MTA3: variants seen among roughly 807,000 people sequenced by gnomAD.
The protein encoded by MTA3 is metastasis-associated protein MTA3.
In MTA3, 34 loss-of-function variants were observed where a neutral mutation model predicts 83.5. That is an observed-to-expected ratio of 0.41 (90% CI 0.31 to 0.54). The LOEUF (loss-of-function observed/expected upper bound fraction) is 0.54, where lower values mean the gene tolerates loss of function less well. Ranked by LOEUF, MTA3 falls within the 20% of genes least tolerant of loss-of-function variation. MTA3 has a pLI of 0.33. For synonymous variants in MTA3, 303 were observed against 252.7 expected (o/e 1.20, Z -1.89); for missense variants, 761 against 726.4 (o/e 1.05, Z -0.55).
chr2:42,604,700 C>G (rs1167435857), intron 3 of MTA3, among the ~76,000 whole-genome samples: 2 of 138,246 alleles, frequency 1.4e-5, no homozygotes, highest in South Asian at 2.6e-4. Context: ...GAACAAAGGT[C>G]TCTGGTTTTC....
chr2:42,721,238 C>A (rs1019866330), intron 15 of MTA3, among the ~76,000 whole-genome samples: 3 of 151,032 alleles, frequency 2.0e-5, no homozygotes, highest in Non-Finnish European at 4.4e-5. Flanking sequence ...CAGGTAAGAA[C>A]AATAAAACAA....
At chr2:42,741,654 G>T (rs900481790) in intron 16 of MTA3, among the ~76,000 whole-genome samples, 15 of 152,224 alleles carry the variant, frequency 9.9e-5, no homozygotes, top group African/African-American at 3.4e-4. Flanking sequence ...GCAGTCAGAG[G>T]ACACATAGCA....
chr2:42,555,017 G>A (rs1450082803), intron 2 of MTA3, among the ~76,000 whole-genome samples: 1 of 152,134 alleles, frequency 6.6e-6, no homozygotes, highest in Non-Finnish European at 1.5e-5. Flanking sequence ...GCTGGGCATG[G>A]TGGCAGGCAC....
chr2:42,619,917 A>G (rs2104179861), intron 4 of MTA3, among the ~76,000 whole-genome samples: 1 of 152,238 alleles, frequency 6.6e-6, no homozygotes, highest in Admixed American at 6.5e-5. Flanking sequence ...ACAGTTTAAG[A>G]AAAAAACAAA....
At chr2:42,513,207 C>G (rs1674981132) in intron 2 of MTA3, among the ~76,000 whole-genome samples, 1 of 152,084 alleles carries the variant, frequency 6.6e-6, no homozygotes, top group Non-Finnish European at 1.5e-5. Flanking sequence ...GTTTAAGTTA[C>G]TTTTTGGATA....
At chr2:42,598,212 A>C (rs917246443) in intron 3 of MTA3, among the ~76,000 whole-genome samples, 8 of 151,884 alleles carry the variant, frequency 5.3e-5, no homozygotes, top group South Asian at 4.2e-4. Context: ...AGCTGGGACT[A>C]TTGCCACCAC....
At chr2:42,538,874 A>C (rs1422885363) in intron 2 of MTA3, among the ~76,000 whole-genome samples, 1 of 147,032 alleles carries the variant, frequency 6.8e-6, no homozygotes, top group Non-Finnish European at 1.5e-5. Context: ...TCCCGGGTTC[A>C]CGCCATTCTC....
At chr2:42,523,208 C>G (rs572648051) in intron 2 of MTA3, among the ~76,000 whole-genome samples, 4 of 152,224 alleles carry the variant, frequency 2.6e-5, no homozygotes, top group African/African-American at 4.8e-5. Context: ...CAGTTGACTT[C>G]CCTGCCACCA....
rs114164973 is a variant in MTA3 at position 42,579,389 on chromosome 2, A to T, written c.190+189A>T. 3.1e-3 allele frequency among the ~76,000 whole-genome samples: 466 copies of T among 148,774 alleles called. 3 individuals are homozygous for T. The highest frequency in any genetic ancestry group is 0.011 in the African/African-American group (448 of 40,882). ...GTGTTTGGTTTCAGTGTATATGTGTATATATGTGTGTATGTAATTTTATAT... is the reference window on the plus strand; with the variant it reads ...GTGTTTGGTTTCAGTGTATATGTGTTTATATGTGTGTATGTAATTTTATAT... On this transcript the variant is annotated intron_variant, in intron 3 of 16. Coordinates refer to ENST00000405094, the MANE Select transcript of MTA3 (RefSeq NM_001330442.2).
At chr2:42,507,401 G>A (rs551602511) in intron 2 of MTA3, among the ~76,000 whole-genome samples, 28 of 152,102 alleles carry the variant, frequency 1.8e-4, no homozygotes, top group Admixed American at 1.6e-3. Context: ...TCAAACTCAT[G>A]CAGTCCTCCC....
rs556270629 is a variant in MTA3 at position 42,714,371 on chromosome 2, CAT to C, written c.1526-4614_1526-4613del. Among the ~76,000 whole-genome samples the C allele has an allele frequency of 1.7e-3, 261 of 151,820 alleles. 3 individuals are homozygous for C. The highest frequency in any genetic ancestry group is 5.4e-3 in the African/African-American group (225 of 41,422). ...AAGCAGATTTTTTTTTAAAAAAAGA[CAT>C]ATTAATAGTTGAATTTATAAAAAAA... On this transcript the variant is annotated intron_variant, in intron 14 of 16. Coordinates refer to ENST00000405094, the MANE Select transcript of MTA3 (RefSeq NM_001330442.2).
At chr2:42,527,295 A>C (rs1046165879) in intron 2 of MTA3, among the ~76,000 whole-genome samples, 13 of 152,226 alleles carry the variant, frequency 8.5e-5, no homozygotes, top group African/African-American at 2.9e-4. Flanking sequence ...GAACTAAGCA[A>C]GTTTGAATCC....
At chr2:42,571,766 G>A (rs1678512036) in intron 2 of MTA3, among the ~76,000 whole-genome samples, 1 of 151,572 alleles carries the variant, frequency 6.6e-6, no homozygotes, top group South Asian at 2.1e-4. Flanking sequence ...TGACCAACAT[G>A]GAGAAACCCC....
At chr2:42,530,423 C>T (rs1261122279) in intron 2 of MTA3, among the ~76,000 whole-genome samples, 1 of 150,350 alleles carries the variant, frequency 6.7e-6, no homozygotes, top group Non-Finnish European at 1.5e-5. Context: ...GGAGGCGGAG[C>T]TTGCAGTGAG....
chr2:42,536,259 A>G (rs1356350742), intron 2 of MTA3, among the ~76,000 whole-genome samples: 2 of 151,188 alleles, frequency 1.3e-5, no homozygotes, highest in Admixed American at 6.6e-5. Flanking sequence ...GGATCACCTG[A>G]GGTCGGGAGT....
chr2:42,598,582 T>G (rs1353027394), intron 3 of MTA3, among the ~76,000 whole-genome samples: 1 of 152,198 alleles, frequency 6.6e-6, no homozygotes, highest in Non-Finnish European at 1.5e-5. Flanking sequence ...TCTAAATGCT[T>G]CTTTTGTATG....
intron 16 of MTA3, among the ~76,000 whole-genome samples, chr2:42,739,466 T>C (rs1243302345): frequency 6.7e-6 from 1 of 149,586 alleles, no homozygotes; most frequent in Non-Finnish European, 1.5e-5. Flanking sequence ...AAAAAGCTAA[T>C]GATCATCTGA....
chr2:42,716,407 G>T (rs954994428), intron 14 of MTA3, among the ~76,000 whole-genome samples: 13 of 152,154 alleles, frequency 8.5e-5, no homozygotes, highest in African/African-American at 3.1e-4. Context: ...GGGGTTTGTT[G>T]TACAGATTAT....
chr2:42,615,578 T>A (rs1224473656), intron 4 of MTA3, among the ~76,000 whole-genome samples: 1 of 151,904 alleles, frequency 6.6e-6, no homozygotes, highest in Non-Finnish European at 1.5e-5. Context: ...ATGGTCTTGA[T>A]CTCATGACCT....
Sources: allele counts gnomAD v4.1 joint callset (sites outside exome capture counted in the v4.1 genomes callset), GRCh38; gene constraint gnomAD v4.1.1; transcripts MANE v1.5; gene names NCBI Gene and HGNC (gene_info 2026-07-23, HGNC 2026-07-21).